The following THOP1 variants were observed in gnomAD, a reference collection of about 807,000 sequenced individuals.
The protein encoded by THOP1 is thimet oligopeptidase 1.
A neutral mutation model predicts 71.8 loss-of-function variants in THOP1; 49 were observed. The observed-to-expected ratio is 0.68, with a 90% CI of 0.54 to 0.87. The LOEUF (loss-of-function observed/expected upper bound fraction) is 0.87. Ranked by LOEUF, THOP1 falls within the 40% of genes least tolerant of loss-of-function variation. THOP1 has a pLI of 0.00. For synonymous variants in THOP1, 426 were observed against 421.5 expected (o/e 1.01, Z -0.13); for missense variants, 843 against 975.6 (o/e 0.86, Z 1.81).
chr19:2,792,885 C>T (rs1915919344), intron 2 of THOP1, among the ~76,000 whole-genome samples: 1 of 152,142 alleles, frequency 6.6e-6, no homozygotes, highest in Non-Finnish European at 1.5e-5. Flanking sequence ...CCATTTAAAC[C>T]ACACACTTCA....
At position 2,813,213 on chromosome 19, in the gene THOP1, C is replaced by T. The variant is rs755540783; in HGVS notation, c.2007C>T (p.Asp669=). ...RRFLGRDPKQ[D]AFLLSKGLQV... is the part of the protein sequence containing the mutation. ...TCCTGGGCCGTGACCCCAAGCAGGA[C>T]GCCTTCCTCCTGAGCAAGGGGCTGC... Residue 669 remains aspartate (D), a synonymous_variant, in exon 13 of 13, where the codon GAC becomes GAT. Transcript: ENST00000307741. 2.0e-5 allele frequency: 33 copies of T among 1,612,306 alleles called. No homozygotes were observed. The highest frequency in any genetic ancestry group is 1.7e-4 in the Middle Eastern group (1 of 6,060).
In THOP1 at chr19:2,802,934, C is replaced by T. The variant is rs974733055; in HGVS notation, c.590-2082C>T. Among the ~76,000 whole-genome samples the T allele has an allele frequency of 1.6e-4, 24 of 152,386 alleles. 1 individual carries two copies. On this transcript the variant is annotated intron_variant, in intron 5 of 12. Transcript: ENST00000307741. Reference sequence around the variant, plus strand: ...ACCCTCAGGAGTCCCTCCGAACAATCCCTGTGTCCTTGTAATGCACCTGCT... The same window carrying T: ...ACCCTCAGGAGTCCCTCCGAACAATTCCTGTGTCCTTGTAATGCACCTGCT...
At chr19:2,800,796 G>A (rs994018630) in intron 5 of THOP1, among the ~76,000 whole-genome samples, 1 of 152,046 alleles carries the variant, frequency 6.6e-6, no homozygotes, top group African/African-American at 2.4e-5. Flanking sequence ...CTGCCCCTCA[G>A]TGGGTGCACT....
intron 4 of THOP1, among the ~76,000 whole-genome samples, chr19:2,798,641 C>T (rs939590244): frequency 6.6e-6 from 1 of 152,238 alleles, no homozygotes; most frequent in African/African-American, 2.4e-5. Flanking sequence ...GGGGCCTGTT[C>T]CCAGGAGAGG....
rs973419908 is a variant in THOP1, at chr19:2,804,872, G to A, written c.590-144G>A. On this transcript the variant is annotated intron_variant, in intron 5 of 12. Coordinates refer to ENST00000307741, the MANE Select transcript of THOP1 (RefSeq NM_003249.5). This position sits in a 1 kb window ranked among gnomAD's most constrained non-coding sequence, Gnocchi z 4.7. ...GATGGGGGATGTAAGAATTGCAGCG[G>A]GTGGTGGCCAGGCTGCAGCTGCTCG... The A allele has an allele frequency of 2.7e-6, 2 of 746,474 alleles. No homozygotes were observed. Among genetic ancestry groups the A allele is most frequent in the Admixed American group, 6.1e-5 (2 of 32,902 alleles). The allele number at this position is 746,474 out of a possible 1,614,324, so 46.2% of individuals were successfully genotyped here.
In THOP1 at chr19:2,813,550, G is replaced by A. The variant is rs113841471; in HGVS notation, c.*274G>A. ...CCTCTCTGGGAAACGTCCCTTGTCAGGAGACGGCTCTTCTTTGAAATGAGG... is the reference window on the plus strand; with the variant it reads ...CCTCTCTGGGAAACGTCCCTTGTCAAGAGACGGCTCTTCTTTGAAATGAGG... On this transcript the variant is annotated 3_prime_UTR_variant, in exon 13 of 13. Coordinates refer to ENST00000307741, the MANE Select transcript of THOP1 (RefSeq NM_003249.5). The A allele has an allele frequency of 6.7e-5, 29 of 432,198 alleles. No homozygotes were observed. The highest frequency in any genetic ancestry group is 5.5e-4 in the African/African-American group (28 of 50,584). The allele number at this position is 432,198 out of a possible 1,614,324, so 26.8% of individuals were successfully genotyped here.
chr19:2,795,484 T>G (rs769817415), intron 3 of THOP1, among the ~76,000 whole-genome samples: 7 of 152,244 alleles, frequency 4.6e-5, no homozygotes, highest in Non-Finnish European at 8.8e-5. Context: ...CGAGGACCCC[T>G]GGGAATGTGC....
At chr19:2,806,876 A>G (rs1370261760) in intron 6 of THOP1, 41 bp from the exon 7 acceptor site, 1 of 1,611,396 alleles carries the variant, frequency 6.2e-7, no homozygotes, top group East Asian at 2.2e-5. Flanking sequence ...AGGTGGAGGG[A>G]GTGGCGCCCC....
At chr19:2,812,343 G>T (rs1263223940) in intron 12 of THOP1, 2 of 1,533,332 alleles carry the variant, frequency 1.3e-6, no homozygotes, top group Non-Finnish European at 1.7e-6. Context: ...TGCCCTGCCT[G>T]GGTGCAACAT....
At chr19:2,808,575 C>A in intron 9 of THOP1, 131 bp downstream of exon 9, 1 of 1,056,372 alleles carries the variant, frequency 9.5e-7, no homozygotes, top group Non-Finnish European at 1.3e-6. Flanking sequence ...TCATCCAATG[C>A]CACCCAAAGA....
intron 5 of THOP1, among the ~76,000 whole-genome samples, chr19:2,800,512 A>C (rs953202616): frequency 2.0e-5 from 3 of 152,244 alleles, no homozygotes; most frequent in African/African-American, 7.2e-5. Context: ...GTGCTATAGA[A>C]TATAACCTCC....
chr19:2,807,564 A>G lies in THOP1; in HGVS notation c.1009A>G (p.Met337Val). The change falls in exon 8 of 13, where the codon ATG becomes GTG. Residue 337 changes from methionine to valine, a missense_variant. Transcript: ENST00000307741. ...PFDGRIRAWD[M>V]RYYMNQVEET... ...CGACGGCCGCATCCGTGCCTGGGAC[A>G]TGCGCTACTACATGAACCAGGTGGA... 6.2e-7 allele frequency: 1 copy of G among 1,612,622 alleles called. No individual in the cohort carries two copies. The highest frequency in any genetic ancestry group is 8.5e-7 in the Non-Finnish European group (1 of 1,179,852).
At chr19:2,790,703 C>T (rs1427985952) in intron 2 of THOP1, 70 bp downstream of exon 2, 1 of 1,392,314 alleles carries the variant, frequency 7.2e-7, no homozygotes, top group Non-Finnish European at 9.5e-7. Flanking sequence ...GCGGGAGTAG[C>T]CCAGCCCGTG....
intron 5 of THOP1, among the ~76,000 whole-genome samples, chr19:2,802,098 A>T (rs1916158001): frequency 6.7e-6 from 1 of 148,652 alleles, no homozygotes; most frequent in Non-Finnish European, 1.5e-5. Flanking sequence ...CAATACTGCT[A>T]CCTCTCAATA....
chr19:2,808,490 G>T (rs771146411), intron 9 of THOP1, 46 bp downstream of exon 9: 1 of 1,518,808 alleles, frequency 6.6e-7, no homozygotes, highest in Non-Finnish European at 8.9e-7. Context: ...CAGGGGCAGG[G>T]GCTGCCTGTG....
intron 1 of THOP1, among the ~76,000 whole-genome samples, chr19:2,788,950 G>T (rs370753737): frequency 6.6e-6 from 1 of 152,078 alleles, no homozygotes; most frequent in Admixed American, 6.6e-5. Flanking sequence ...TAGTAGAGAC[G>T]GGGTTTCACC....
chr19:2,800,723 C>G (rs1340960390), intron 5 of THOP1, among the ~76,000 whole-genome samples: 1 of 152,264 alleles, frequency 6.6e-6, no homozygotes, highest in African/African-American at 2.4e-5. Flanking sequence ...ACATCCTACC[C>G]TCAGCTTCTG....
At chr19:2,800,095 A>G (rs917864418) in intron 5 of THOP1, among the ~76,000 whole-genome samples, 1 of 152,212 alleles carries the variant, frequency 6.6e-6, no homozygotes, top group African/African-American at 2.4e-5. Context: ...CGGGGTGGCC[A>G]AGGGTGCCAG....
chr19:2,808,461 G>T lies in THOP1; in HGVS notation c.1455+17G>T. On this transcript the variant is annotated intron_variant, in intron 9 of 12. Transcript: ENST00000307741. ...TGCTCCCAGGTGGGTGCGGGCCCGG[G>T]CAGGGGCAGGGGCAGGGGCAGGGGC... is the stretch of plus-strand genomic sequence containing the variant. 1 of 1,441,190 alleles carries T rather than the reference G, an allele frequency of 6.9e-7. No homozygotes were observed. The allele number at this position is 1,441,190 out of a possible 1,614,324, so 89.3% of individuals were successfully genotyped here. A position where few individuals can be genotyped will look rare whatever the true frequency, so the allele number is the denominator to read the frequency against.
Sources: gnomAD v4.1 joint callset for allele counts (sites outside exome capture counted in the v4.1 genomes callset) on GRCh38, gnomAD v4.1.1 for gene constraint, Gnocchi (gnomAD v3.1) non-coding constraint, MANE v1.5 for transcripts, NCBI Gene and HGNC (gene_info 2026-07-23, HGNC 2026-07-21) for gene names.